Variants in C18orf63 observed in about 807,000 individuals in gnomAD.
C18orf63 encodes the protein chromosome 18 open reading frame 63.
Under a neutral mutation model 75.3 loss-of-function variants are expected in C18orf63, and 50 were observed. The observed-to-expected ratio is 0.66, with a 90% CI of 0.53 to 0.84. C18orf63 has a LOEUF of 0.84. C18orf63 is among the 40% of genes least tolerant of loss of function. C18orf63 has a pLI of 0.00. For missense variants in C18orf63, 732 were observed against 800.2 expected (o/e 0.91, Z 1.03); for synonymous variants, 232 against 267.6 (o/e 0.87, Z 1.30).
intron 11 of C18orf63, among the ~76,000 whole-genome samples, chr18:74,345,731 G>C (rs1019667732): frequency 3.3e-5 from 5 of 151,870 alleles, no homozygotes; most frequent in African/African-American, 1.2e-4. Flanking sequence ...ATTGTTTCAG[G>C]CCTCTTTAAT....
intron 5 of C18orf63, 21 bp from the exon 6 acceptor site, chr18:74,328,973 CA>C: frequency 7.3e-7 from 1 of 1,364,582 alleles, no homozygotes; most frequent in Non-Finnish European, 1.0e-6. Flanking sequence ...AATAACATGG[CA>C]TATTCTATGA....
intron 3 of C18orf63, among the ~76,000 whole-genome samples, chr18:74,321,616 T>C (rs1013187156): frequency 1.3e-5 from 2 of 152,134 alleles, no homozygotes; most frequent in African/African-American, 2.4e-5. Flanking sequence ...TATTTTCTTA[T>C]TCTTACTATA....
At chr18:74,337,655 G>T (rs1022191661) in intron 7 of C18orf63, among the ~76,000 whole-genome samples, 2 of 152,106 alleles carry the variant, frequency 1.3e-5, no homozygotes, top group African/African-American at 4.8e-5. Flanking sequence ...CACAGTGCAA[G>T]ATTTATCTCT....
At position 74,342,045 on chromosome 18, in the gene C18orf63, C is replaced by A. The variant is rs1984497023; in HGVS notation, c.625C>A (p.Gln209Lys). The A allele has an allele frequency of 6.6e-7, 1 of 1,511,376 alleles. No homozygotes were observed. The highest frequency in any genetic ancestry group is 8.9e-7 in the Non-Finnish European group (1 of 1,126,480). 93.6% of individuals were successfully genotyped at this position (1,511,376 alleles called of 1,614,324 possible). A position where few individuals can be genotyped will look rare whatever the true frequency, so the allele number is the denominator to read the frequency against. ...CATTTTTCATAGTATGAAAATGGGA[C>A]AAATTATAAATATTTTTCATGCCAT... ...CYVLPSMKMG[Q>K]IINIFHAIPA... The change falls in exon 9 of 14, where the codon CAA (glutamine) becomes AAA (lysine). Residue 209 changes from glutamine (Q) to lysine (K), a missense_variant. Transcript: ENST00000579455.
At position 74,353,436 on chromosome 18, in the gene C18orf63, A is replaced by G; in HGVS notation, c.1169A>G (p.Glu390Gly). 1 of 1,536,366 alleles carries G rather than the reference A, an allele frequency of 6.5e-7. No individual in the cohort carries two copies. Among genetic ancestry groups the G allele is most frequent in the Non-Finnish European group, 8.7e-7 (1 of 1,146,968 alleles). The part of the protein sequence containing the change: ...GIFSALHLQP[E>G]SVQGRKKSLS... ...TTCTCAGCTTTGCATCTCCAGCCAG[A>G]GTCTGTTCAGGGTAGAAAGAAATCC... The change falls in exon 12 of 14, where the codon GAG (glutamate) becomes GGG (glycine). Residue 390 changes from glutamate to glycine, a missense_variant. Coordinates refer to ENST00000579455, the MANE Select transcript of C18orf63 (RefSeq NM_001174123.2).
intron 4 of C18orf63, 108 bp from the exon 5 acceptor site, chr18:74,327,839 C>A (rs575074341): frequency 1.3e-5 from 9 of 667,838 alleles, no homozygotes; most frequent in Non-Finnish European, 2.4e-5. Flanking sequence ...ACCTAGAACA[C>A]CCGAGTTTGT....
intron 11 of C18orf63, among the ~76,000 whole-genome samples, chr18:74,351,075 C>G (rs1984658619): frequency 6.6e-6 from 1 of 152,140 alleles, no homozygotes; most frequent in East Asian, 1.9e-4. Context: ...GTCTTCTTGC[C>G]CTGGTGGCAT....
chr18:74,329,375 A>C (rs1375619828), intron 6 of C18orf63, among the ~76,000 whole-genome samples: 2 of 26,242 alleles, frequency 7.6e-5, no homozygotes, highest in Non-Finnish European at 9.6e-5. Context: ...CCCTATTTCA[A>C]AAAAAAAAAA....
intron 4 of C18orf63, among the ~76,000 whole-genome samples, chr18:74,325,289 A>C (rs989252557): frequency 1.3e-5 from 2 of 152,106 alleles, no homozygotes; most frequent in Non-Finnish European, 2.9e-5. Context: ...TTTTTGATCT[A>C]TGGGTTATTT....
chr18:74,339,731 T>C (rs1984448683), intron 8 of C18orf63, among the ~76,000 whole-genome samples: 1 of 152,150 alleles, frequency 6.6e-6, no homozygotes, highest in African/African-American at 2.4e-5. Context: ...CATGATCTTA[T>C]GTATAGAAAA....
intron 8 of C18orf63, 46 bp downstream of exon 8, chr18:74,338,870 G>A: frequency 2.6e-6 from 2 of 775,550 alleles, no homozygotes; most frequent in Non-Finnish European, 3.7e-6. Flanking sequence ...AAAATATGGT[G>A]GTTTCCCTTA....
chr18:74,340,943 C>T (rs1450938468), intron 8 of C18orf63, among the ~76,000 whole-genome samples: 1 of 152,024 alleles, frequency 6.6e-6, no homozygotes, highest in African/African-American at 2.4e-5. Flanking sequence ...ATCTGTTGTA[C>T]AGCATACTGA....
chr18:74,318,462 TCTCAAAATATCTGATCC>T lies in C18orf63; in HGVS notation c.134+465_134+481del, dbSNP rs1475520827. On this transcript the variant is annotated intron_variant, in intron 2 of 13. Coordinates refer to ENST00000579455, the MANE Select transcript of C18orf63 (RefSeq NM_001174123.2). ...CTGTGGAGTATTTCTCTAGGATCTG[TCTCAAAATATCTGATCC>T]CACATAGTCGTTGAAAAACAGCTTA... Among the ~76,000 whole-genome samples, 3 of 152,216 alleles carry T rather than the reference TCTCAAAATATCTGATCC, an allele frequency of 2.0e-5. No individual in the cohort carries two copies. In the East Asian group the frequency reaches 5.8e-4, roughly 29 times the overall value.
chr18:74,334,119 T>C (rs1390616248), intron 7 of C18orf63, among the ~76,000 whole-genome samples: 1 of 152,126 alleles, frequency 6.6e-6, no homozygotes, highest in Non-Finnish European at 1.5e-5. Flanking sequence ...ATTTTCCTTT[T>C]ATTAAAATCT....
Position 74,353,903 on chromosome 18 carries a change from GC to G in C18orf63, c.1637del (p.Ala546GlufsTer10). ...LNKNKQLSNSAVFVVSNNNLG... is the reference protein window; with the variant it reads ...LNKNKQLSNSXVFVVSNNNLG... ...CAAAAATAAGCAACTATCTAATAGTGCAGTATTTGTGGTGTCAAATAACAAT... is the reference window on the plus strand; with the variant it reads ...CAAAAATAAGCAACTATCTAATAGTGAGTATTTGTGGTGTCAAATAACAAT... On this transcript the variant is annotated frameshift_variant, in exon 12 of 14. Transcript: ENST00000579455. LOFTEE classifies it high-confidence loss of function. 1 of 1,535,902 alleles carries G rather than the reference GC, an allele frequency of 6.5e-7. No individual in the cohort carries two copies.
intron 7 of C18orf63, among the ~76,000 whole-genome samples, chr18:74,332,107 T>A (rs1161629681): frequency 6.6e-6 from 1 of 152,186 alleles, no homozygotes; most frequent in Admixed American, 6.5e-5. Context: ...TTGTTTTCTG[T>A]CGCTTAGAAT....
chr18:74,317,736 C>A, intron 1 of C18orf63, 98 bp from the exon 2 acceptor site: 1 of 637,840 alleles, frequency 1.6e-6, no homozygotes, highest in Non-Finnish European at 2.4e-6. Context: ...TTTGTATCAT[C>A]CCATTCTAAA....
rs1380611152 is a variant in C18orf63, at chr18:74,353,774, T to G, written c.1507T>G (p.Leu503Val). The G allele has an allele frequency of 6.5e-7, 1 of 1,535,774 alleles. No homozygotes were observed. The highest frequency in any genetic ancestry group is 1.4e-5 in the African/African-American group (1 of 72,952). The change falls in exon 12 of 14, where the codon TTA (leucine) becomes GTA (valine). Residue 503 changes from leucine to valine, a missense_variant. By Grantham distance (32) the Leu-to-Val change is conservative (BLOSUM62 1). This residue lies in a region of C18orf63 where 495 missense variants were observed against 508.7 expected (regional missense o/e 0.97). Transcript: ENST00000579455. ...SNIQMQAANN[L>V]NQENSRPLQE... ...CATTCAGATGCAGGCTGCTAACAAT[T>G]TAAATCAGGAGAATTCCAGACCTCT...
chr18:74,356,248 T>G (rs1196989983), intron 13 of C18orf63, among the ~76,000 whole-genome samples: 1 of 152,078 alleles, frequency 6.6e-6, no homozygotes, highest in Non-Finnish European at 1.5e-5. Flanking sequence ...CCTGATTAAG[T>G]AATTTCTCAT....
Sources: allele counts gnomAD v4.1 joint callset (sites outside exome capture counted in the v4.1 genomes callset), GRCh38; gene constraint gnomAD v4.1.1; regional missense constraint gnomAD v4.1.1; transcripts MANE v1.5; gene names NCBI Gene and HGNC (gene_info 2026-07-23, HGNC 2026-07-21).